The following QTRT2 variants were observed in gnomAD, a reference collection of about 807,000 sequenced individuals.
QTRT2 encodes queuine tRNA-ribosyltransferase domain containing 1.
Under a neutral mutation model 44.8 loss-of-function variants are expected in QTRT2, and 32 were observed. The observed-to-expected ratio is 0.71, with a 90% CI of 0.54 to 0.96. The LOEUF is 0.96. Ranked by LOEUF, QTRT2 falls within the 40% of genes least tolerant of loss-of-function variation. The pLI is 0.00. For missense variants in QTRT2, 461 were observed against 503.1 expected, an observed-to-expected ratio of 0.92 and a Z score of 0.80; for synonymous variants, 182 against 187.4, an observed-to-expected ratio of 0.97 and a Z score of 0.24.
At chr3:114,056,963 G>T in intron 1 of QTRT2, 36 bp from the exon 2 acceptor site, 1 of 1,483,444 alleles carries the variant, frequency 6.7e-7, no homozygotes, top group Non-Finnish European at 8.9e-7. Flanking sequence ...AACGGTGATT[G>T]TACTCCCGCC....
At chr3:114,077,258 A>G in intron 7 of QTRT2, 1 of 279,022 alleles carries the variant, frequency 3.6e-6, no homozygotes, top group Non-Finnish European at 6.9e-6. Flanking sequence ...TTGTTATAAT[A>G]TGGTACCTGG....
chr3:114,088,103 G>A lies in QTRT2; in HGVS notation c.*2199G>A, dbSNP rs996374107. The A allele has an allele frequency of 6.6e-6, 1 of 152,136 alleles. No homozygotes were observed. The highest frequency in any genetic ancestry group is 2.4e-5 in the African/African-American group (1 of 41,422). 9.4% of individuals were successfully genotyped at this position (152,136 alleles called of 1,614,324 possible). A position where few individuals can be genotyped will look rare whatever the true frequency, so the allele number is the denominator to read the frequency against. On this transcript the variant is annotated 3_prime_UTR_variant, in exon 10 of 10. Transcript: ENST00000281273. The stretch of plus-strand genomic sequence containing the variant: ...GATTGTTTTGAAATGTGTTAGATTG[G>A]ACTTGTTCAAATGTTCATATTTTTG...
Position 114,070,503 on chromosome 3 carries a change from T to G in QTRT2, c.334-123T>G, listed in dbSNP as rs1312909934. The G allele has an allele frequency of 5.0e-6, 4 of 793,638 alleles. No individual in the cohort carries two copies. The East Asian group carries it at 1.1e-4, about 22-fold the overall frequency. The allele number at this position is 793,638 out of a possible 1,614,324, so 49.2% of individuals were successfully genotyped here. A position where few individuals can be genotyped will look rare whatever the true frequency, so the allele number is the denominator to read the frequency against. ...ATAAGATCCTATTACCCACCATGTC[T>G]GGATATTGAATTGTCACCATCTCTG... On this transcript the variant is annotated intron_variant, in intron 5 of 9. Transcript: ENST00000281273.
chr3:114,076,599 G>A lies in QTRT2; in HGVS notation c.547-144G>A, dbSNP rs1477946489. 2.2e-5 allele frequency: 15 copies of A among 676,806 alleles called. No individual in the cohort carries two copies. In the Admixed American group the frequency reaches 4.0e-4, roughly 18 times the overall value. The allele number at this position is 676,806 out of a possible 1,614,324, so 41.9% of individuals were successfully genotyped here. A position where few individuals can be genotyped will look rare whatever the true frequency, so the allele number is the denominator to read the frequency against. On this transcript the variant is annotated intron_variant, in intron 6 of 9. Transcript: ENST00000281273. The stretch of plus-strand genomic sequence containing the variant: ...TCAGAGCCTTAAAGGTTCTTAGGGA[G>A]GAGGGAGCACCATCCCCTTTAATGC...
In QTRT2 at chr3:114,065,243, G is replaced by A; in HGVS notation, c.-15G>A. Reference sequence around the variant, plus strand: ...AATGCTCTTTTCTTGACAGGACCTAGAAGAATCCCTTAGGATGAAGCTGAG... The same window carrying A: ...AATGCTCTTTTCTTGACAGGACCTAAAAGAATCCCTTAGGATGAAGCTGAG... On this transcript the variant is annotated 5_prime_UTR_variant, in exon 3 of 10. Coordinates refer to ENST00000281273, the MANE Select transcript of QTRT2 (RefSeq NM_024638.4). 1 of 1,612,588 alleles carries A rather than the reference G, an allele frequency of 6.2e-7. No homozygotes were observed. Among genetic ancestry groups the A allele is most frequent in the South Asian group, 1.1e-5 (1 of 91,072 alleles).
chr3:114,070,744 G>A lies in QTRT2; in HGVS notation c.452G>A (p.Cys151Tyr), dbSNP rs114394287. ...TGCCTCTCCGATGGAGAAGTATCTT[G>A]TAAGGAAGCAACTTCCATAAAAAGG... ...FQCLSDGEVS[C>Y]KEATSIKRVR... The change falls in exon 6 of 10, where the codon TGT (cysteine) becomes TAT (tyrosine). Residue 151 changes from cysteine to tyrosine, a missense_variant. Physicochemically the swap from Cys to Tyr is radical, Grantham distance 194 (BLOSUM62 -2). Coordinates refer to ENST00000281273, the MANE Select transcript of QTRT2 (RefSeq NM_024638.4). The A allele has an allele frequency of 9.4e-4, 1,517 of 1,614,024 alleles. 2 individuals are homozygous for A. Among genetic ancestry groups the A allele is most frequent in the Middle Eastern group, 2.1e-3 (13 of 6,062 alleles).
rs1441620591 is a variant in QTRT2 at position 114,088,057 on chromosome 3, A to G, written c.*2153A>G. The G allele has an allele frequency of 3.3e-5, 5 of 152,230 alleles. No homozygotes were observed. The East Asian group carries it at 9.6e-4, about 29-fold the overall frequency. The allele number at this position is 152,230 out of a possible 1,614,324, so 9.4% of individuals were successfully genotyped here. ...CATGAATGGCAAGGGGTACTTATGG[A>G]AAACAGTTTTCCAAAGATCTGATTG... On this transcript the variant is annotated 3_prime_UTR_variant, in exon 10 of 10. Transcript: ENST00000281273.
At chr3:114,074,137 T>A (rs922221455) in intron 6 of QTRT2, among the ~76,000 whole-genome samples, 1 of 152,200 alleles carries the variant, frequency 6.6e-6, no homozygotes, top group South Asian at 2.1e-4. Flanking sequence ...ATGCCAAGTG[T>A]CTGCCATTCT....
Position 114,083,316 on chromosome 3 carries a change from G to GC in QTRT2, c.1016+522_1016+523insC, listed in dbSNP as rs2077192759. 1.5e-3 allele frequency among the ~76,000 whole-genome samples: 6 copies of GC among 4,008 alleles called. No homozygotes were observed. In the South Asian group the frequency reaches 0.062, roughly 42 times the overall value. 2.6% of individuals were successfully genotyped at this position (4,008 alleles called of 152,430 possible). A position where few individuals can be genotyped will look rare whatever the true frequency, so the allele number is the denominator to read the frequency against. On this transcript the variant is annotated intron_variant, in intron 9 of 9. Transcript: ENST00000281273. Reference sequence around the variant, plus strand: ...TGTTGTTGTTGCTGTTGCTGCTGCTGTTGTTGTTGTTGTTGTTGTTGTTGT... The same window carrying GC: ...TGTTGTTGTTGCTGTTGCTGCTGCTGCTTGTTGTTGTTGTTGTTGTTGTTGT...
intron 6 of QTRT2, 87 bp downstream of exon 6, chr3:114,070,925 T>A: frequency 1.0e-6 from 1 of 1,000,752 alleles, no homozygotes; most frequent in Non-Finnish European, 1.5e-6. Flanking sequence ...TTCTTCCTCC[T>A]ACTGCTGTGC....
intron 7 of QTRT2, chr3:114,079,098 A>G (rs573795861): frequency 2.6e-5 from 4 of 152,336 alleles, no homozygotes; most frequent in African/African-American, 9.6e-5. Flanking sequence ...GAAATAAAGC[A>G]CACAGCTTTG....
intron 2 of QTRT2, among the ~76,000 whole-genome samples, chr3:114,060,668 G>A (rs534416677): frequency 1.9e-4 from 29 of 152,174 alleles, no homozygotes; most frequent in Admixed American, 7.9e-4. Context: ...TATTAATTAG[G>A]CACAGTAGTA....
At position 114,087,661 on chromosome 3, in the gene QTRT2, C is replaced by T. The variant is rs563954033; in HGVS notation, c.*1757C>T. 1 of 152,448 alleles carries T rather than the reference C, an allele frequency of 6.6e-6. No individual in the cohort carries two copies. The highest frequency in any genetic ancestry group is 2.1e-4 in the South Asian group (1 of 4,830). 9.4% of individuals were successfully genotyped at this position (152,448 alleles called of 1,614,324 possible). ...CTGTAAAGAAAAGAGGTTTAATTGG[C>T]TCATGGCTCTGCAGGCTTTACAGGA... On this transcript the variant is annotated 3_prime_UTR_variant, in exon 10 of 10. Coordinates refer to ENST00000281273, the MANE Select transcript of QTRT2 (RefSeq NM_024638.4).
In QTRT2 at chr3:114,070,478, A is replaced by G. The variant is rs529664876; in HGVS notation, c.334-148A>G. The G allele has an allele frequency of 4.7e-4, 308 of 656,452 alleles. No homozygotes were observed. In the Middle Eastern group the frequency reaches 5.1e-3, roughly 11 times the overall value. 40.7% of individuals were successfully genotyped at this position (656,452 alleles called of 1,614,324 possible). ...ACCACTGAAGGATTATCTGTAAGCTATAAGATCCTATTACCCACCATGTCT... is the reference window on the plus strand; with the variant it reads ...ACCACTGAAGGATTATCTGTAAGCTGTAAGATCCTATTACCCACCATGTCT... On this transcript the variant is annotated intron_variant, in intron 5 of 9. Transcript: ENST00000281273.
At chr3:114,078,798 A>T (rs1350073331) in intron 7 of QTRT2, 2 of 152,234 alleles carry the variant, frequency 1.3e-5, no homozygotes, top group African/African-American at 2.4e-5. Flanking sequence ...GTGCTCAAAA[A>T]GTTTCAGATT....
At chr3:114,059,985 A>G (rs1169176559) in intron 2 of QTRT2, among the ~76,000 whole-genome samples, 2 of 152,238 alleles carry the variant, frequency 1.3e-5, no homozygotes, top group Non-Finnish European at 2.9e-5. Flanking sequence ...AAAGCATTAT[A>G]TCACAGGAGA....
At chr3:114,058,797 C>T (rs1196163231) in intron 2 of QTRT2, among the ~76,000 whole-genome samples, 2 of 152,182 alleles carry the variant, frequency 1.3e-5, no homozygotes, top group African/African-American at 4.8e-5. Flanking sequence ...TCCCAGAGTG[C>T]TGGGATTACA....
Position 114,087,595 on chromosome 3 carries a change from G to A in QTRT2, c.*1691G>A, listed in dbSNP as rs1005017865. The A allele has an allele frequency of 1.3e-5, 2 of 152,274 alleles. No homozygotes were observed. Among genetic ancestry groups the A allele is most frequent in the Non-Finnish European group, 1.5e-5 (1 of 68,094 alleles). 9.4% of individuals were successfully genotyped at this position (152,274 alleles called of 1,614,324 possible). A position where few individuals can be genotyped will look rare whatever the true frequency, so the allele number is the denominator to read the frequency against. The stretch of plus-strand genomic sequence containing the variant: ...GGGTTTCACCGTATGAGCCAGGATG[G>A]TCTCGATCTCCTGACCTCATGATCC... On this transcript the variant is annotated 3_prime_UTR_variant, in exon 10 of 10. Transcript: ENST00000281273.
intron 5 of QTRT2, chr3:114,068,433 A>G: frequency 3.8e-6 from 1 of 262,380 alleles, no homozygotes; most frequent in Non-Finnish European, 7.7e-6. Flanking sequence ...GATGAGTATT[A>G]TCACATGTAT....
Sources: gnomAD v4.1 joint callset for allele counts (sites outside exome capture counted in the v4.1 genomes callset) on GRCh38, gnomAD v4.1.1 for gene constraint, MANE v1.5 for transcripts, NCBI Gene and HGNC (gene_info 2026-07-23, HGNC 2026-07-21) for gene names.